Variants in ANK3 observed in about 807,000 individuals in gnomAD.
The protein encoded by ANK3 is ankyrin 3.
A neutral mutation model predicts 370.9 loss-of-function variants in ANK3; 57 were observed. The observed-to-expected ratio is 0.15, with a 90% CI of 0.12 to 0.19. ANK3 has a LOEUF of 0.19. ANK3 is among the 10% of genes least tolerant of loss of function. ANK3 has a pLI of 1.00. For missense variants in ANK3, 4,439 were observed against 5,302.1 expected (o/e 0.84, Z 5.06); for synonymous variants, 1,929 against 1,946.3 (o/e 0.99, Z 0.23).
chr10:60,233,097 G>A (rs1286616816), intron 8 of ANK3, among the ~76,000 whole-genome samples: 5 of 152,164 alleles, frequency 3.3e-5, no homozygotes, highest in African/African-American at 7.2e-5. Flanking sequence ...AAGAAAACCC[G>A]TGGCTAGAAC....
intron 25 of ANK3, among the ~76,000 whole-genome samples, chr10:60,128,669 C>T (rs1054729069): frequency 6.6e-6 from 1 of 152,206 alleles, no homozygotes; most frequent in African/African-American, 2.4e-5. Flanking sequence ...GTGTGAGCCA[C>T]CGTGCCTGGA....
chr10:60,596,938 A>C (rs1381351452), intron 2 of ANK3, among the ~76,000 whole-genome samples: 1 of 152,190 alleles, frequency 6.6e-6, no homozygotes, highest in African/African-American at 2.4e-5. Context: ...ATAAGAAACC[A>C]AGTTTTTAAA....
At chr10:60,606,693 C>T (rs908120968) in intron 2 of ANK3, among the ~76,000 whole-genome samples, 7 of 152,138 alleles carry the variant, frequency 4.6e-5, no homozygotes, top group Non-Finnish European at 8.8e-5. Context: ...TATCAGGGAG[C>T]ATGGAATTCA....
At chr10:60,272,453 T>G (rs533773698) in intron 4 of ANK3, among the ~76,000 whole-genome samples, 24 of 144,232 alleles carry the variant, frequency 1.7e-4, no homozygotes, top group Middle Eastern at 3.5e-3. Context: ...TTAGAAGTTT[T>G]TTGTTGTTGT....
At chr10:60,668,638 A>C (rs893628310) in intron 1 of ANK3, among the ~76,000 whole-genome samples, 1 of 152,152 alleles carries the variant, frequency 6.6e-6, no homozygotes, top group African/African-American at 2.4e-5. Context: ...AGTTTCAAGC[A>C]GGTGCACATC....
At position 60,082,676 on chromosome 10, in the gene ANK3, G is replaced by A. The variant is rs777097166; in HGVS notation, c.4262C>T (p.Thr1421Ile). ...RLSFLKEPKT[T>I]KGLPQTAVCN... ...AACCGCTGTTTGAGGCAGTCCTTTT[G>A]TTGTCTTTGGTTCTTTCAGAAAAGA... is the stretch of plus-strand genomic sequence containing the variant. The change falls in exon 34 of 44, where the codon ACA becomes ATA. Residue 1421 changes from threonine (T) to isoleucine (I), a missense_variant. Transcript: ENST00000280772. 6.2e-7 allele frequency: 1 copy of A among 1,614,078 alleles called. No individual in the cohort carries two copies. Among genetic ancestry groups the A allele is most frequent in the Non-Finnish European group, 8.5e-7 (1 of 1,179,938 alleles).
intron 23 of ANK3, among the ~76,000 whole-genome samples, chr10:60,156,256 G>C (rs1041887033): frequency 4.6e-5 from 7 of 152,106 alleles, no homozygotes; most frequent in Admixed American, 4.6e-4. Context: ...TTGGGTACCA[G>C]CTAAGCCACA....
At chr10:60,309,976 A>C (rs1417029371) in intron 1 of ANK3, among the ~76,000 whole-genome samples, 13 of 145,810 alleles carry the variant, frequency 8.9e-5, no homozygotes, top group African/African-American at 3.3e-4. Context: ...CCCAGGCTAG[A>C]GTGCAGTTGT....
At chr10:60,588,432 C>T (rs1436720617) in intron 2 of ANK3, among the ~76,000 whole-genome samples, 1 of 151,692 alleles carries the variant, frequency 6.6e-6, no homozygotes. Context: ...ATCTACCTGC[C>T]TTGGCTTCCC....
At chr10:60,195,257 G>C (rs1384478520) in intron 16 of ANK3, among the ~76,000 whole-genome samples, 1 of 152,042 alleles carries the variant, frequency 6.6e-6, no homozygotes, top group Non-Finnish European at 1.5e-5. Context: ...GGTGGCAGGT[G>C]CCTGTAGTCC....
intron 1 of ANK3, among the ~76,000 whole-genome samples, chr10:60,632,085 A>G (rs1177368869): frequency 6.6e-6 from 1 of 152,246 alleles, no homozygotes; most frequent in Admixed American, 6.5e-5. Context: ...GGTGTTTCCC[A>G]TCAACTAGTT....
intron 1 of ANK3, among the ~76,000 whole-genome samples, chr10:60,646,065 C>T (rs930008581): frequency 6.6e-6 from 1 of 151,990 alleles, no homozygotes; most frequent in African/African-American, 2.4e-5. Flanking sequence ...TTTAAACTGA[C>T]ACTGGGTTGG....
At chr10:60,591,879 A>G (rs775955436) in intron 2 of ANK3, among the ~76,000 whole-genome samples, 1 of 152,184 alleles carries the variant, frequency 6.6e-6, no homozygotes, top group East Asian at 1.9e-4. Context: ...AATCAAGTCA[A>G]TTAAACGCAT....
intron 4 of ANK3, among the ~76,000 whole-genome samples, chr10:60,276,090 T>C (rs775015717): frequency 1.6e-4 from 24 of 152,176 alleles, no homozygotes; most frequent in Non-Finnish European, 2.6e-4. Context: ...ATCAAGGCAA[T>C]GACAAAAATT....
At chr10:60,632,258 T>G (rs779016078) in intron 1 of ANK3, among the ~76,000 whole-genome samples, 1 of 152,214 alleles carries the variant, frequency 6.6e-6, no homozygotes, top group African/African-American at 2.4e-5. Flanking sequence ...GCTTTCATCA[T>G]CAGCAAGGCA....
rs369281190 is a variant in ANK3 at position 60,167,829 on chromosome 10, C to T, written c.2479-933G>A. ...TAATACTTGGTAAATGTGATTTCTACCCCTATCCCCAATTATTGTGTTGAA... is the reference window on the plus strand; with the variant it reads ...TAATACTTGGTAAATGTGATTTCTATCCCTATCCCCAATTATTGTGTTGAA... On this transcript the variant is annotated intron_variant, in intron 21 of 43. Transcript: ENST00000280772. Among the ~76,000 whole-genome samples, 9 of 152,220 alleles carry T rather than the reference C, an allele frequency of 5.9e-5. No individual in the cohort carries two copies. The South Asian group carries it at 6.2e-4, about 11-fold the overall frequency.
At chr10:60,226,488 TAC>T (rs2097149623) in intron 8 of ANK3, among the ~76,000 whole-genome samples, 1 of 89,592 alleles carries the variant, frequency 1.1e-5, no homozygotes, top group Non-Finnish European at 1.8e-5. Context: ...ACTATATATA[TAC>T]ATATACTATA....
chr10:60,223,053 T>C (rs2097088257), intron 8 of ANK3, among the ~76,000 whole-genome samples: 1 of 152,228 alleles, frequency 6.6e-6, no homozygotes, highest in Non-Finnish European at 1.5e-5. Context: ...CTCTGAATTC[T>C]CTTCTCATCT....
chr10:60,723,313 A>G (rs2079890956), intron 1 of ANK3, among the ~76,000 whole-genome samples: 2 of 152,150 alleles, frequency 1.3e-5, no homozygotes, highest in South Asian at 4.1e-4. Flanking sequence ...TGAGTATTTC[A>G]TTTCATTTGT....
Sources: gnomAD v4.1 joint callset for allele counts (sites outside exome capture counted in the v4.1 genomes callset) on GRCh38, gnomAD v4.1.1 for gene constraint, MANE v1.5 for transcripts, NCBI Gene and HGNC (gene_info 2026-07-23, HGNC 2026-07-21) for gene names.